The following CNTNAP2 variants were observed in gnomAD, a reference collection of about 807,000 sequenced individuals.
CNTNAP2 encodes contactin-associated protein-like 2.
In CNTNAP2, 98 loss-of-function variants were observed where a neutral mutation model predicts 155.2. That is an observed-to-expected ratio of 0.63 (90% CI 0.54 to 0.75). The LOEUF (loss-of-function observed/expected upper bound fraction) is 0.75, where lower values mean the gene tolerates loss of function less well. Ranked by LOEUF, CNTNAP2 falls within the 30% of genes least tolerant of loss-of-function variation. The probability of loss-of-function intolerance (pLI) is 0.00; values close to 1 mark genes in which losing one functional copy is unlikely to be tolerated. For missense variants in CNTNAP2, 1,727 were observed against 1,688.1 expected (o/e 1.02, Z -0.40); for synonymous variants, 651 against 631.2 (o/e 1.03, Z -0.47).
At chr7:148,338,891 G>GT (rs1272914763) in intron 21 of CNTNAP2, among the ~76,000 whole-genome samples, 4 of 152,140 alleles carry the variant, frequency 2.6e-5, no homozygotes, top group African/African-American at 9.7e-5. Context: ...CAGAAACTGA[G>GT]TATTACACAG....
At chr7:147,572,370 G>GT (rs1165340291) in intron 12 of CNTNAP2, among the ~76,000 whole-genome samples, 2,173 of 152,178 alleles carry the variant, frequency 0.014, 48 homozygotes, top group African/African-American at 0.05. Context: ...GACCCAGAAA[G>GT]GGGGTACAAG....
At chr7:148,143,030 T>C (rs574795860) in intron 16 of CNTNAP2, among the ~76,000 whole-genome samples, 1 of 152,382 alleles carries the variant, frequency 6.6e-6, no homozygotes, top group South Asian at 2.1e-4. Context: ...TTAGTATTTC[T>C]CTTTTCTCCC....
chr7:146,823,666 G>A (rs1457529771), intron 2 of CNTNAP2, among the ~76,000 whole-genome samples: 1 of 150,012 alleles, frequency 6.7e-6, no homozygotes, highest in Non-Finnish European at 1.5e-5. Flanking sequence ...TTAAATATGA[G>A]TATACTCATT....
chr7:147,849,034 A>G (rs1798872351), intron 13 of CNTNAP2, among the ~76,000 whole-genome samples: 1 of 152,196 alleles, frequency 6.6e-6, no homozygotes, highest in African/African-American at 2.4e-5. Flanking sequence ...ATCAGAATGA[A>G]AATTGTTCAG....
intron 1 of CNTNAP2, among the ~76,000 whole-genome samples, chr7:146,596,566 C>A (rs1469250008): frequency 6.8e-6 from 1 of 146,964 alleles, no homozygotes; most frequent in African/African-American, 2.5e-5. Context: ...CCCCCCCAGC[C>A]TCCAAGAAAG....
intron 1 of CNTNAP2, among the ~76,000 whole-genome samples, chr7:146,192,963 T>C (rs1190539903): frequency 6.6e-6 from 1 of 152,198 alleles, no homozygotes; most frequent in South Asian, 2.1e-4. Context: ...AGGAAGGGGC[T>C]ACATGCCGCA....
intron 1 of CNTNAP2, among the ~76,000 whole-genome samples, chr7:146,523,275 C>T (rs574580840): frequency 8.5e-5 from 13 of 152,124 alleles, no homozygotes; most frequent in Admixed American, 2.0e-4. Context: ...AGTAAAATTT[C>T]GGTCCAATTC....
chr7:146,916,506 T>C (rs1345200550), intron 3 of CNTNAP2, among the ~76,000 whole-genome samples: 1 of 152,136 alleles, frequency 6.6e-6, no homozygotes, highest in Non-Finnish European at 1.5e-5. Flanking sequence ...TCAATCTTGC[T>C]ACTTGTTATT....
At chr7:147,507,744 G>A (rs9690352) in intron 11 of CNTNAP2, among the ~76,000 whole-genome samples, 30,269 of 151,400 alleles carry the variant, frequency 0.2, 3,227 homozygotes, top group East Asian at 0.41. Flanking sequence ...TAGTAGAGAC[G>A]GAGTTTCACC....
At chr7:148,176,232 T>G in intron 18 of CNTNAP2, among the ~76,000 whole-genome samples, 1 of 93,812 alleles carries the variant, frequency 1.1e-5, no homozygotes, top group South Asian at 3.5e-4. Flanking sequence ...TTTTTTTTTT[T>G]TTTTTTGAGA....
intron 1 of CNTNAP2, among the ~76,000 whole-genome samples, chr7:146,176,580 A>G (rs1269487958): frequency 2.0e-5 from 3 of 152,190 alleles, no homozygotes; most frequent in African/African-American, 7.2e-5. Context: ...GAAATTCTCC[A>G]TGAAGCTGAA....
At chr7:148,070,485 G>A (rs1446215650) in intron 15 of CNTNAP2, among the ~76,000 whole-genome samples, 2 of 152,252 alleles carry the variant, frequency 1.3e-5, no homozygotes, top group East Asian at 3.9e-4. Context: ...GGGAGGCCGA[G>A]GCAGGTGGAT....
intron 3 of CNTNAP2, among the ~76,000 whole-genome samples, chr7:147,036,206 G>A (rs1281814879): frequency 6.6e-6 from 1 of 152,158 alleles, no homozygotes; most frequent in Non-Finnish European, 1.5e-5. Context: ...AATAATATGG[G>A]ACAGAGGAGC....
chr7:148,320,933 G>A (rs939545343), intron 21 of CNTNAP2, among the ~76,000 whole-genome samples: 5 of 152,180 alleles, frequency 3.3e-5, no homozygotes, highest in Admixed American at 6.5e-5. Context: ...TGTCAATGTA[G>A]GCTATTCGTC....
intron 8 of CNTNAP2, among the ~76,000 whole-genome samples, chr7:147,210,746 C>G (rs550021983): frequency 1.3e-5 from 2 of 152,044 alleles, no homozygotes; most frequent in African/African-American, 4.8e-5. Flanking sequence ...GTTTCCTCTT[C>G]ACACTGCTCT....
chr7:148,360,639 C>A (rs147977146), intron 21 of CNTNAP2, among the ~76,000 whole-genome samples: 2 of 152,006 alleles, frequency 1.3e-5, no homozygotes, highest in African/African-American at 4.8e-5. Flanking sequence ...CTGTGGAGCC[C>A]CAAACTTACA....
chr7:147,309,352 TGA>T (rs1795083646), intron 9 of CNTNAP2, among the ~76,000 whole-genome samples: 1 of 152,064 alleles, frequency 6.6e-6, no homozygotes, highest in South Asian at 2.1e-4. Flanking sequence ...AATTTTAGAG[TGA>T]GATGAGGAAA....
At chr7:148,099,333 T>C (rs1289261904) in intron 15 of CNTNAP2, among the ~76,000 whole-genome samples, 1 of 152,096 alleles carries the variant, frequency 6.6e-6, no homozygotes, top group Non-Finnish European at 1.5e-5. Context: ...AATAACTCCA[T>C]GAATTTAGAA....
At chr7:147,409,951 G>A (rs774471037) in intron 10 of CNTNAP2, among the ~76,000 whole-genome samples, 90 of 152,144 alleles carry the variant, frequency 5.9e-4, no homozygotes, top group Non-Finnish European at 9.7e-4. Context: ...ATACACTACC[G>A]GTGGAAATGT....
Sources: allele counts gnomAD v4.1 joint callset (sites outside exome capture counted in the v4.1 genomes callset), GRCh38; gene constraint gnomAD v4.1.1; transcripts MANE v1.5; gene names NCBI Gene and HGNC (gene_info 2026-07-23, HGNC 2026-07-21).